ERMP1: variants seen among roughly 807,000 people sequenced by gnomAD.
ERMP1 encodes the protein endoplasmic reticulum metallopeptidase 1, also known as Felix-ina.
A neutral mutation model predicts 92.0 loss-of-function variants in ERMP1; 86 were observed. That is an observed-to-expected ratio of 0.93 (90% CI 0.79 to 1.12). The LOEUF (loss-of-function observed/expected upper bound fraction) is 1.12, where lower values mean the gene tolerates loss of function less well. ERMP1 is among the 50% of genes most tolerant of loss of function. The probability of loss-of-function intolerance (pLI) is 0.00; values close to 1 mark genes in which losing one functional copy is unlikely to be tolerated. For missense variants in ERMP1, 1,342 were observed against 1,116.3 expected (o/e 1.20, Z -2.88); for synonymous variants, 530 against 412.8 (o/e 1.28, Z -3.44).
chr9:5,821,831 G>A (rs1398939214), intron 4 of ERMP1, among the ~76,000 whole-genome samples: 1 of 152,144 alleles, frequency 6.6e-6, no homozygotes, highest in Non-Finnish European at 1.5e-5. Flanking sequence ...CTGCTTACAT[G>A]GAGCCCTGAC....
intron 13 of ERMP1, 62 bp from the exon 14 acceptor site, chr9:5,787,655 C>T (rs1226815223): frequency 6.7e-7 from 1 of 1,502,136 alleles, no homozygotes; most frequent in Non-Finnish European, 9.0e-7. Flanking sequence ...AAATAACCCA[C>T]AATCCAAACC....
At chr9:5,861,197 G>GTGTGTGTGTGTGTGTGTGTGTA in intron 5 of ERMP1, among the ~76,000 whole-genome samples, 2 of 148,734 alleles carry the variant, frequency 1.3e-5, no homozygotes, top group African/African-American at 5.0e-5. Context: ...GTGTGTGTGT[G>GTGTGTGTGTGTGTGTGTGTGTA]TGTGTGTGTG....
At chr9:5,809,309 C>A (rs1048212345) in intron 8 of ERMP1, among the ~76,000 whole-genome samples, 4 of 152,168 alleles carry the variant, frequency 2.6e-5, no homozygotes, top group African/African-American at 9.7e-5. Flanking sequence ...CGTGAGCCAC[C>A]GCGCCCGGCC....
At chr9:5,803,995 G>A (rs201272294) in intron 10 of ERMP1, among the ~76,000 whole-genome samples, 1 of 152,182 alleles carries the variant, frequency 6.6e-6, no homozygotes, top group Admixed American at 6.5e-5. Flanking sequence ...GGACTTCCAC[G>A]GATGATGCTG....
At chr9:5,849,340 A>C (rs1830278620) in intron 6 of ERMP1, among the ~76,000 whole-genome samples, 1 of 152,106 alleles carries the variant, frequency 6.6e-6, no homozygotes, top group African/African-American at 2.4e-5. Context: ...TGATTTTTAC[A>C]GCCTGTAGGG....
At chr9:5,813,674 C>A (rs962785478) in intron 4 of ERMP1, among the ~76,000 whole-genome samples, 1 of 151,764 alleles carries the variant, frequency 6.6e-6, no homozygotes, top group African/African-American at 2.4e-5. Flanking sequence ...TAGGGATGCT[C>A]AATCTGTATT....
intron 6 of ERMP1, chr9:5,856,086 C>CT (rs1830369903): frequency 2.7e-6 from 1 of 374,532 alleles, no homozygotes; most frequent in Non-Finnish European, 5.3e-6. Flanking sequence ...CTGAGACAAT[C>CT]TTTAAGTGTT....
At chr9:5,800,734 A>G (rs1478974355) in intron 11 of ERMP1, among the ~76,000 whole-genome samples, 1 of 152,236 alleles carries the variant, frequency 6.6e-6, no homozygotes, top group Admixed American at 6.5e-5. Context: ...TTTCTAAGTT[A>G]TAGTTTCACT....
chr9:5,813,897 A>C (rs2131244914), intron 4 of ERMP1, among the ~76,000 whole-genome samples: 1 of 148,488 alleles, frequency 6.7e-6, no homozygotes, highest in African/African-American at 2.4e-5. Context: ...TATAATTATA[A>C]TTATATAATT....
chr9:5,807,351 C>T (rs1828906297), intron 8 of ERMP1, among the ~76,000 whole-genome samples: 2 of 152,216 alleles, frequency 1.3e-5, no homozygotes, highest in South Asian at 4.1e-4. Flanking sequence ...CTTCACCACA[C>T]TGGACTGTCC....
chr9:5,794,985 G>A (rs191892070), intron 13 of ERMP1, among the ~76,000 whole-genome samples: 223 of 152,226 alleles, frequency 1.5e-3, no homozygotes, highest in African/African-American at 5.1e-3. Flanking sequence ...GAACATAGAT[G>A]CAAAAATCCT....
At chr9:5,818,068 A>G (rs1214679369) in intron 4 of ERMP1, among the ~76,000 whole-genome samples, 2 of 151,924 alleles carry the variant, frequency 1.3e-5, no homozygotes, top group African/African-American at 4.8e-5. Flanking sequence ...CGGTATATCA[A>G]GGTGGATCAC....
chr9:5,819,776 A>T, intron 4 of ERMP1, among the ~76,000 whole-genome samples: 1 of 152,158 alleles, frequency 6.6e-6, no homozygotes, highest in East Asian at 1.9e-4. Context: ...AACGCAAACA[A>T]TCACGTGTTG....
At chr9:5,861,284 A>G (rs149352422) in intron 5 of ERMP1, among the ~76,000 whole-genome samples, 259 of 151,756 alleles carry the variant, frequency 1.7e-3, no homozygotes, top group Middle Eastern at 6.8e-3. Flanking sequence ...TCAAAGTATT[A>G]TCCCAGGATG....
Position 5,829,233 on chromosome 9 carries a change from A to AG in ERMP1, c.640+1493_640+1494insC, listed in dbSNP as rs1216702519. ...GGCCCCCCAGCCAAAAAAAAAAAAA[A>AG]AAAAACACTAAACCACTGGTTACCC... On this transcript the variant is annotated intron_variant, in intron 2 of 14. Transcript: ENST00000339450. Among the ~76,000 whole-genome samples, 4 of 152,110 alleles carry AG rather than the reference A, an allele frequency of 2.6e-5. No individual in the cohort carries two copies. The East Asian group carries it at 7.7e-4, about 29-fold the overall frequency.
chr9:5,808,504 C>G (rs930024193), intron 8 of ERMP1, among the ~76,000 whole-genome samples: 4 of 152,140 alleles, frequency 2.6e-5, no homozygotes, highest in African/African-American at 9.7e-5. Flanking sequence ...AGAACACATC[C>G]CAACATTAAC....
intron 6 of ERMP1, among the ~76,000 whole-genome samples, chr9:5,840,462 C>T (rs1830148429): frequency 1.3e-5 from 2 of 152,208 alleles, no homozygotes; most frequent in Non-Finnish European, 1.5e-5. Flanking sequence ...GATCACCCCT[C>T]CTGCAGCTTT....
At chr9:5,832,255 T>C (rs1586828224) in intron 1 of ERMP1, among the ~76,000 whole-genome samples, 2 of 152,124 alleles carry the variant, frequency 1.3e-5, no homozygotes, top group Admixed American at 6.5e-5. Context: ...CTCAGAAAGT[T>C]AGAACAGTGC....
At chr9:5,789,730 C>G (rs1009194137) in intron 13 of ERMP1, among the ~76,000 whole-genome samples, 2 of 151,996 alleles carry the variant, frequency 1.3e-5, no homozygotes, top group Non-Finnish European at 2.9e-5. Context: ...ATCGCCTAGG[C>G]TGGAGTCCAG....
Sources: allele counts gnomAD v4.1 joint callset (sites outside exome capture counted in the v4.1 genomes callset), GRCh38; gene constraint gnomAD v4.1.1; transcripts MANE v1.5; gene names NCBI Gene and HGNC (gene_info 2026-07-23, HGNC 2026-07-21).